SGCZ: variants seen among roughly 807,000 people sequenced by gnomAD.
The protein encoded by SGCZ is sarcoglycan zeta, also known as zeta-sarcoglycan.
Under a neutral mutation model 41.3 loss-of-function variants are expected in SGCZ, and 40 were observed. That is an observed-to-expected ratio of 0.97 (90% CI 0.75 to 1.26). SGCZ has a LOEUF of 1.26. SGCZ is among the 50% of genes most tolerant of loss of function. The pLI is 0.00. For synonymous variants in SGCZ, 206 were observed against 137.5 expected (o/e 1.50, Z -3.49); for missense variants, 552 against 369.8 (o/e 1.49, Z -4.04).
At chr8:15,032,869 C>G (rs1803730355) in intron 1 of SGCZ, among the ~76,000 whole-genome samples, 1 of 152,144 alleles carries the variant, frequency 6.6e-6, no homozygotes, top group African/African-American at 2.4e-5. Flanking sequence ...AAAGCCTACT[C>G]AGTTCCAAGC....
At chr8:14,777,217 C>A (rs536118714) in intron 1 of SGCZ, among the ~76,000 whole-genome samples, 1 of 152,142 alleles carries the variant, frequency 6.6e-6, no homozygotes, top group Non-Finnish European at 1.5e-5. Context: ...CTAAAACTTT[C>A]ATCATGACGA....
chr8:14,774,068 T>C (rs1800328772), intron 1 of SGCZ, among the ~76,000 whole-genome samples: 1 of 152,132 alleles, frequency 6.6e-6, no homozygotes, highest in South Asian at 2.1e-4. Context: ...TTTGCACGGG[T>C]GTTTTTCGTT....
chr8:15,103,696 G>A (rs1308450134), intron 1 of SGCZ, among the ~76,000 whole-genome samples: 2 of 151,910 alleles, frequency 1.3e-5, no homozygotes, highest in Admixed American at 6.6e-5. Flanking sequence ...TCACAAACAG[G>A]ATCAAAGGTT....
intron 4 of SGCZ, among the ~76,000 whole-genome samples, chr8:14,180,892 G>T (rs965115205): frequency 2.6e-5 from 4 of 151,718 alleles, no homozygotes; most frequent in African/African-American, 9.7e-5. Context: ...ACGGCAGTGG[G>T]GAGTGCCATG....
At chr8:14,141,010 T>A (rs1225008631) in intron 5 of SGCZ, among the ~76,000 whole-genome samples, 1 of 152,038 alleles carries the variant, frequency 6.6e-6, no homozygotes, top group Non-Finnish European at 1.5e-5. Flanking sequence ...CCCTCAGAAA[T>A]AATACCGCAC....
In SGCZ at chr8:15,191,329, A is replaced by G. The variant is rs1030207129; in HGVS notation, c.39+46256T>C. Among the ~76,000 whole-genome samples the G allele has an allele frequency of 2.0e-5, 3 of 152,112 alleles. No homozygotes were observed. In the South Asian group the frequency reaches 6.2e-4, roughly 31 times the overall value. On this transcript the variant is annotated intron_variant, in intron 1 of 7. Coordinates refer to ENST00000382080, the MANE Select transcript of SGCZ (RefSeq NM_139167.4). ...AGGAAAATTTTTTTATTCATTTCGT[A>G]TTCACAAGCATACCTAGACCAGGCA... is the stretch of plus-strand genomic sequence containing the variant.
chr8:14,097,971 G>T (rs572346151), intron 7 of SGCZ, among the ~76,000 whole-genome samples: 1 of 152,012 alleles, frequency 6.6e-6, no homozygotes, highest in South Asian at 2.1e-4. Context: ...TTATTCTGCT[G>T]ATCACTTAAA....
chr8:14,724,965 C>A (rs955339642), intron 1 of SGCZ, among the ~76,000 whole-genome samples: 7 of 151,966 alleles, frequency 4.6e-5, no homozygotes, highest in African/African-American at 1.7e-4. Context: ...TACTTTTGTA[C>A]CATTAACCCC....
chr8:14,408,291 ATT>A (rs1287353558), intron 2 of SGCZ, among the ~76,000 whole-genome samples: 2 of 152,094 alleles, frequency 1.3e-5, no homozygotes, highest in Non-Finnish European at 2.9e-5. Context: ...TGTTTAATCC[ATT>A]TTATGACCAC....
intron 1 of SGCZ, among the ~76,000 whole-genome samples, chr8:14,926,038 A>G (rs960185582): frequency 6.6e-6 from 1 of 152,208 alleles, no homozygotes; most frequent in Non-Finnish European, 1.5e-5. Context: ...AACTATGTGA[A>G]GAATGTAAAT....
At chr8:14,857,416 G>A (rs1433312888) in intron 1 of SGCZ, among the ~76,000 whole-genome samples, 3 of 152,048 alleles carry the variant, frequency 2.0e-5, no homozygotes, top group Admixed American at 1.3e-4. Context: ...TAGTTAATTT[G>A]CATTTTCCCA....
At chr8:14,741,205 C>A (rs1164408740) in intron 1 of SGCZ, among the ~76,000 whole-genome samples, 1 of 151,922 alleles carries the variant, frequency 6.6e-6, no homozygotes, top group Non-Finnish European at 1.5e-5. Context: ...GTGAGGGGAT[C>A]CTTATCCTAT....
Position 14,765,777 on chromosome 8 carries a change from C to T in SGCZ, c.40-210851G>A, listed in dbSNP as rs910420298. 5.3e-5 allele frequency among the ~76,000 whole-genome samples: 8 copies of T among 152,228 alleles called. No homozygotes were observed. In the South Asian group the frequency reaches 1.0e-3, roughly 20 times the overall value. On this transcript the variant is annotated intron_variant, in intron 1 of 7. Coordinates refer to ENST00000382080, the MANE Select transcript of SGCZ (RefSeq NM_139167.4). ...CATGGTAAAGATCACTCATCAAATG[C>T]GTGTGCGCAGACACAGTAAAAATCC...
At chr8:15,138,648 C>T (rs901807889) in intron 1 of SGCZ, among the ~76,000 whole-genome samples, 1 of 152,152 alleles carries the variant, frequency 6.6e-6, no homozygotes, top group Non-Finnish European at 1.5e-5. Context: ...CTCTCTCCTG[C>T]CACCCTGTGA....
At chr8:14,327,918 C>A (rs578055495) in intron 2 of SGCZ, among the ~76,000 whole-genome samples, 2 of 152,230 alleles carry the variant, frequency 1.3e-5, no homozygotes, top group South Asian at 4.1e-4. Flanking sequence ...GTAGCAGGGA[C>A]TACAGGTGTG....
At chr8:14,129,665 C>A (rs1171386414) in intron 5 of SGCZ, among the ~76,000 whole-genome samples, 1 of 151,684 alleles carries the variant, frequency 6.6e-6, no homozygotes, top group East Asian at 1.9e-4. Flanking sequence ...GAAAACTAAA[C>A]ACAAATCAGT....
intron 1 of SGCZ, among the ~76,000 whole-genome samples, chr8:14,768,568 A>C (rs1006306518): frequency 6.6e-5 from 10 of 152,224 alleles, no homozygotes; most frequent in African/African-American, 2.4e-4. Flanking sequence ...TGAAAGTTAA[A>C]ATTATGTCTT....
At chr8:15,024,274 T>C (rs1803365074) in intron 1 of SGCZ, among the ~76,000 whole-genome samples, 1 of 152,210 alleles carries the variant, frequency 6.6e-6, no homozygotes, top group Non-Finnish European at 1.5e-5. Context: ...TTAACAAATT[T>C]ATATAAAATC....
At chr8:14,199,521 C>T (rs1459633587) in intron 4 of SGCZ, among the ~76,000 whole-genome samples, 1 of 152,130 alleles carries the variant, frequency 6.6e-6, no homozygotes, top group Non-Finnish European at 1.5e-5. Context: ...CTGTGACCCA[C>T]ACCCTATTTG....
Sources: allele counts gnomAD v4.1 joint callset (sites outside exome capture counted in the v4.1 genomes callset), GRCh38; gene constraint gnomAD v4.1.1; transcripts MANE v1.5; gene names NCBI Gene and HGNC (gene_info 2026-07-23, HGNC 2026-07-21).